The following KLF7 variants were observed in gnomAD, a reference collection of about 807,000 sequenced individuals.
The protein encoded by KLF7 is KLF transcription factor 7, also known as Krueppel-like factor 7.
A neutral mutation model predicts 27.3 loss-of-function variants in KLF7; 2 were observed. That is an observed-to-expected ratio of 0.07 (90% CI 0.03 to 0.23). The LOEUF is 0.23. Ranked by LOEUF, KLF7 falls within the 10% of genes least tolerant of loss-of-function variation. KLF7 has a pLI of 1.00. For missense variants in KLF7, 221 were observed against 394.1 expected (o/e 0.56, Z 3.72); for synonymous variants, 165 against 162.4 (o/e 1.02, Z -0.12).
intron 1 of KLF7, among the ~76,000 whole-genome samples, chr2:207,138,590 T>C (rs2077852607): frequency 6.6e-6 from 1 of 152,214 alleles, no homozygotes; most frequent in African/African-American, 2.4e-5. Flanking sequence ...ATTCTTAAAC[T>C]ACCTTGTTGA....
intron 1 of KLF7, among the ~76,000 whole-genome samples, chr2:207,139,060 C>G (rs2077867558): frequency 6.6e-6 from 1 of 152,128 alleles, no homozygotes; most frequent in South Asian, 2.1e-4. Context: ...GATGCTTTAT[C>G]CTCACTCTTT....
In KLF7 at chr2:207,148,437, C is replaced by A. The variant is rs571886487; in HGVS notation, c.102+17030G>T. Among the ~76,000 whole-genome samples, 138 of 152,254 alleles carry A rather than the reference C, an allele frequency of 9.1e-4. 1 individual carries two copies. Among genetic ancestry groups the A allele is most frequent in the African/African-American group, 3.2e-3 (131 of 41,548 alleles). On this transcript the variant is annotated intron_variant, in intron 1 of 3. Transcript: ENST00000309446. ...CCAAGCCACCATGCGGTACTGCTTC[C>A]CATGGTCATTCTACATGCAAGCTTT...
At chr2:207,113,162 G>T (rs1224270939) in intron 2 of KLF7, among the ~76,000 whole-genome samples, 1 of 152,180 alleles carries the variant, frequency 6.6e-6, no homozygotes, top group African/African-American at 2.4e-5. Flanking sequence ...TGTTAAAGAT[G>T]CTGTCTTGTT....
intron 1 of KLF7, among the ~76,000 whole-genome samples, chr2:207,126,137 T>C (rs1399351627): frequency 5.3e-5 from 8 of 152,212 alleles, no homozygotes; most frequent in East Asian, 1.9e-4. Flanking sequence ...TCTAGAAATA[T>C]GAATTATCCT....
At position 207,165,715 on chromosome 2, in the gene KLF7, G is replaced by GAA. The variant is rs71412410; in HGVS notation, c.-149_-148dup. On this transcript the variant is annotated 5_prime_UTR_variant, in exon 1 of 4. The change abolishes the stop of an existing upstream ORF in the 5' untranslated region. Transcript: ENST00000309446. ...TGTTTTGTTTCAGTCAACTAAAAAG[G>GAA]AAAAAAAAAAATCAATGCAGGAGAG... 1.7e-6 allele frequency: 2 copies of GAA among 1,169,680 alleles called. No homozygotes were observed. Among genetic ancestry groups the GAA allele is most frequent in the African/African-American group, 1.6e-5 (1 of 63,100 alleles). The allele number at this position is 1,169,680 out of a possible 1,614,324, so 72.5% of individuals were successfully genotyped here. A position where few individuals can be genotyped will look rare whatever the true frequency, so the allele number is the denominator to read the frequency against.
chr2:207,157,587 G>A (rs2078425437), intron 1 of KLF7, among the ~76,000 whole-genome samples: 1 of 152,220 alleles, frequency 6.6e-6, no homozygotes, highest in South Asian at 2.1e-4. Context: ...TTGGCCTCAT[G>A]CTATGTATAA....
chr2:207,125,474 C>A (rs949621751), intron 1 of KLF7, among the ~76,000 whole-genome samples: 2 of 152,170 alleles, frequency 1.3e-5, no homozygotes, highest in East Asian at 3.9e-4. Flanking sequence ...TAAAATGTGA[C>A]TAGTTCCAAA....
At chr2:207,094,477 G>C in intron 2 of KLF7, among the ~76,000 whole-genome samples, 1 of 152,302 alleles carries the variant, frequency 6.6e-6, no homozygotes, top group East Asian at 1.9e-4. Context: ...AACTGGAAAA[G>C]AGGAATACTT....
chr2:207,140,023 G>T (rs933721426), intron 1 of KLF7, among the ~76,000 whole-genome samples: 2 of 152,080 alleles, frequency 1.3e-5, no homozygotes, highest in Non-Finnish European at 2.9e-5. Context: ...CGAATAGCTG[G>T]GACTATAGGT....
chr2:207,123,808 G>A lies in KLF7; in HGVS notation c.699C>T (p.Ser233=), dbSNP rs2077403095. 5 of 1,614,110 alleles carry A rather than the reference G, an allele frequency of 3.1e-6. No homozygotes were observed. Among genetic ancestry groups the A allele is most frequent in the Non-Finnish European group, 4.2e-6 (5 of 1,179,992 alleles). ...FNGCRKVYTK[S]SHLKAHQRTH... ...TCCTCTGGTGGGCCTTTAAGTGGGA[G>A]CTTTTTGTATAAACTTTCCGGCACC... Residue 233 remains serine (S), a synonymous_variant, in exon 2 of 4, where the codon AGC becomes AGT. Transcript: ENST00000309446.
chr2:207,157,730 A>G (rs1434203288), intron 1 of KLF7, among the ~76,000 whole-genome samples: 1 of 152,196 alleles, frequency 6.6e-6, no homozygotes, highest in Non-Finnish European at 1.5e-5. Flanking sequence ...ATGCTAAAGC[A>G]CCTCAGAAGC....
At chr2:207,166,371 C>CGGG, upstream of KLF7, 1 of 180,988 alleles carries the variant, frequency 5.5e-6, no homozygotes, top group Non-Finnish European at 1.1e-5. Context: ...GGGGCTGAGG[C>CGGG]GGCCGCCCGG....
intron 1 of KLF7, among the ~76,000 whole-genome samples, chr2:207,149,408 C>T (rs1226235013): frequency 2.0e-5 from 3 of 152,230 alleles, no homozygotes; most frequent in Admixed American, 1.3e-4. Flanking sequence ...ATCTGCTCTA[C>T]TGGCAGCACT....
intron 3 of KLF7, among the ~76,000 whole-genome samples, chr2:207,084,971 T>A (rs1228451219): frequency 6.6e-6 from 1 of 151,888 alleles, no homozygotes; most frequent in Non-Finnish European, 1.5e-5. Flanking sequence ...AAGACCAGCC[T>A]GACCAACATG....
Position 207,085,978 on chromosome 2 carries a change from A to AT in KLF7, c.857+2479dup, listed in dbSNP as rs573753977. 1.8e-3 allele frequency among the ~76,000 whole-genome samples: 228 copies of AT among 129,764 alleles called. 2 individuals are homozygous for AT. Among genetic ancestry groups the AT allele is most frequent in the African/African-American group, 6.3e-3 (217 of 34,350 alleles). 85.1% of individuals were successfully genotyped at this position (129,764 alleles called of 152,430 possible). ...TTTGTGTGACATTTAACGATTTTAA[A>AT]TGTTGGCCAAAAAAAAAAAAAAAAC... is the stretch of plus-strand genomic sequence containing the variant. On this transcript the variant is annotated intron_variant, in intron 3 of 3. Coordinates refer to ENST00000309446, the MANE Select transcript of KLF7 (RefSeq NM_003709.4).
At chr2:207,116,107 G>GA (rs1449926536) in intron 2 of KLF7, among the ~76,000 whole-genome samples, 3 of 152,192 alleles carry the variant, frequency 2.0e-5, no homozygotes, top group Non-Finnish European at 4.4e-5. Context: ...TGCCTGCCTG[G>GA]AAAGGGTTAG....
intron 2 of KLF7, among the ~76,000 whole-genome samples, chr2:207,111,783 G>A (rs1462604121): frequency 1.3e-5 from 2 of 152,188 alleles, no homozygotes; most frequent in Non-Finnish European, 2.9e-5. Flanking sequence ...AGCCTCGGAA[G>A]TATGCACTGA....
chr2:207,077,168 T>C lies in KLF7; in HGVS notation c.*4045A>G, dbSNP rs1339626995. 1 of 152,220 alleles carries C rather than the reference T, an allele frequency of 6.6e-6. No individual in the cohort carries two copies. The highest frequency in any genetic ancestry group is 1.5e-5 in the Non-Finnish European group (1 of 68,034). The allele number at this position is 152,220 out of a possible 1,614,324, so 9.4% of individuals were successfully genotyped here. A position where few individuals can be genotyped will look rare whatever the true frequency, so the allele number is the denominator to read the frequency against. The stretch of plus-strand genomic sequence containing the variant: ...ATTTTGAACCATCAAAACGAGTCAC[T>C]GGGTTTTGTTCTTGCAACTTGAGTT... On this transcript the variant is annotated 3_prime_UTR_variant, in exon 4 of 4. Coordinates refer to ENST00000309446, the MANE Select transcript of KLF7 (RefSeq NM_003709.4).
intron 2 of KLF7, among the ~76,000 whole-genome samples, chr2:207,110,305 G>A (rs2244908): frequency 0.4 from 61,075 of 152,110 alleles, 12,949 homozygotes; most frequent in African/African-American, 0.53. Flanking sequence ...GGCAGCAAAT[G>A]CCAGCGCAAT....
Sources: gnomAD v4.1 joint callset for allele counts (sites outside exome capture counted in the v4.1 genomes callset) on GRCh38, gnomAD v4.1.1 for gene constraint, MANE v1.5 for transcripts, NCBI Gene and HGNC (gene_info 2026-07-23, HGNC 2026-07-21) for gene names.